TTF2: variants seen among roughly 807,000 people sequenced by gnomAD.
TTF2 encodes the protein transcription termination factor 2.
A neutral mutation model predicts 142.4 loss-of-function variants in TTF2; 108 were observed. The ratio of observed to expected loss-of-function variants is 0.76; its 90% CI spans 0.65 to 0.89. The LOEUF is 0.89. Ranked by LOEUF, TTF2 falls within the 40% of genes least tolerant of loss-of-function variation. TTF2 has a pLI of 0.00. For synonymous variants in TTF2, 483 were observed against 506.2 expected, an observed-to-expected ratio of 0.95 and a Z score of 0.61; for missense variants, 1,327 against 1,379.8, an observed-to-expected ratio of 0.96 and a Z score of 0.61.
At chr1:117,095,220 A>AT (rs920989416) in intron 18 of TTF2, 89 bp from the exon 19 acceptor site, 1 of 1,240,962 alleles carries the variant, frequency 8.1e-7, no homozygotes, top group Admixed American at 1.7e-5. Flanking sequence ...CACAGACGCC[A>AT]TGTAGGAGGC....
In TTF2 at chr1:117,076,559, C is replaced by G. The variant is rs1388019301; in HGVS notation, c.1391-82C>G. ...TCATCGGAATGGTGATGATCCCTCTCTCTTGACCTCACCTCCACACATATG... is the reference window on the plus strand; with the variant it reads ...TCATCGGAATGGTGATGATCCCTCTGTCTTGACCTCACCTCCACACATATG... On this transcript the variant is annotated intron_variant, in intron 6 of 22. Transcript: ENST00000369466. This position sits in a 1 kb window ranked among gnomAD's most constrained non-coding sequence, Gnocchi z 4.6. 8 of 1,409,948 alleles carry G rather than the reference C, an allele frequency of 5.7e-6. No homozygotes were observed. The highest frequency in any genetic ancestry group is 7.7e-6 in the Non-Finnish European group (8 of 1,034,376). 87.3% of individuals were successfully genotyped at this position (1,409,948 alleles called of 1,614,324 possible).
intron 11 of TTF2, 117 bp downstream of exon 11, chr1:117,084,285 A>G: frequency 6.1e-6 from 8 of 1,310,166 alleles, no homozygotes; most frequent in Non-Finnish European, 8.4e-6. Context: ...GTGAAAGCCA[A>G]AGACAGATCT....
rs968149878 is a variant in TTF2, at chr1:117,086,264, TGTGTGTGC to T, written c.2055-145_2055-138del. Among the ~76,000 whole-genome samples the T allele has an allele frequency of 3.3e-5, 5 of 151,834 alleles. No individual in the cohort carries two copies. Among genetic ancestry groups the T allele is most frequent in the African/African-American group, 9.7e-5 (4 of 41,280 alleles). On this transcript the variant is annotated intron_variant, in intron 11 of 22. Coordinates refer to ENST00000369466, the MANE Select transcript of TTF2 (RefSeq NM_003594.4). This position sits in a 1 kb window ranked among gnomAD's most constrained non-coding sequence, Gnocchi z 4.2. ...CCTCCAAAATGTGTGTGTGTGTGTG[TGTGTGTGC>T]GTGTGTGTGTTAAGGACACAAGTTA...
chr1:117,076,858 C>G lies in TTF2; in HGVS notation c.1573+35C>G, dbSNP rs1425267016. 6.4e-7 allele frequency: 1 copy of G among 1,570,878 alleles called. No homozygotes were observed. Among genetic ancestry groups the G allele is most frequent in the Non-Finnish European group, 8.6e-7 (1 of 1,156,436 alleles). ...AAGGGCCTGACCCTGCTGTGAATAG[C>G]CACCCCTGTGAGTTACGTGCCACCC... On this transcript the variant is annotated intron_variant, in intron 7 of 22. Coordinates refer to ENST00000369466, the MANE Select transcript of TTF2 (RefSeq NM_003594.4). The surrounding 1 kb of genome is among the most constrained non-coding windows in gnomAD (Gnocchi z 4.6).
rs1287750072 is a variant in TTF2, at chr1:117,076,745, G to A, written c.1495G>A (p.Gly499Ser). The part of the protein sequence containing the change: ...LVPPQPLPRR[G>S]TQPVGSLELK... Reference sequence around the variant, plus strand: ...GCCTCCCCAACCCCTTCCTCGTCGTGGTACCCAACCTGTGGGTTCTCTAGA... The same window carrying A: ...GCCTCCCCAACCCCTTCCTCGTCGTAGTACCCAACCTGTGGGTTCTCTAGA... The change falls in exon 7 of 23, where the codon GGT becomes AGT. Residue 499 changes from glycine to serine, a missense_variant. Coordinates refer to ENST00000369466, the MANE Select transcript of TTF2 (RefSeq NM_003594.4). This position sits in a 1 kb window ranked among gnomAD's most constrained non-coding sequence, Gnocchi z 4.6. The A allele has an allele frequency of 6.2e-7, 1 of 1,613,970 alleles. No individual in the cohort carries two copies. Among genetic ancestry groups the A allele is most frequent in the African/African-American group, 1.3e-5 (1 of 74,882 alleles).
chr1:117,081,692 G>A, intron 9 of TTF2, 136 bp from the exon 10 acceptor site: 1 of 1,050,348 alleles, frequency 9.5e-7, no homozygotes, highest in Non-Finnish European at 1.4e-6. Flanking sequence ...AGCCATTAAG[G>A]TAGGCACAGA....
Position 117,097,761 on chromosome 1 carries a change from A to G in TTF2, c.3269+328A>G, listed in dbSNP as rs1486074099. Among the ~76,000 whole-genome samples the G allele has an allele frequency of 6.6e-6, 1 of 152,204 alleles. No individual in the cohort carries two copies. Among genetic ancestry groups the G allele is most frequent in the Non-Finnish European group, 1.5e-5 (1 of 68,042 alleles). On this transcript the variant is annotated intron_variant, in intron 21 of 22. Transcript: ENST00000369466. The surrounding 1 kb of genome is among the most constrained non-coding windows in gnomAD (Gnocchi z 4.1). ...TTGCTCAGTTTTACCTCTTCTCCAG[A>G]ATACTGTATTCCAGACACACTTGTT...
chr1:117,072,420 G>T (rs1478140549), intron 3 of TTF2, among the ~76,000 whole-genome samples: 1 of 137,290 alleles, frequency 7.3e-6, no homozygotes, highest in Non-Finnish European at 1.5e-5. Context: ...AAAAGATACG[G>T]ACTTTTTTTT....
chr1:117,078,659 T>G (rs3767767), intron 8 of TTF2, among the ~76,000 whole-genome samples: 30,580 of 152,206 alleles, frequency 0.2, 3,469 homozygotes, highest in Non-Finnish European at 0.26. Flanking sequence ...AGTAGGAGCC[T>G]GGCATTGATG....
chr1:117,088,655 C>G, intron 12 of TTF2, 146 bp from the exon 13 acceptor site: 1 of 743,488 alleles, frequency 1.3e-6, no homozygotes, highest in Middle Eastern at 2.9e-4. Context: ...TCTTGGGTTT[C>G]TTAATTCTTA....
At chr1:117,082,802 A>G (rs925974639) in intron 10 of TTF2, among the ~76,000 whole-genome samples, 2 of 152,216 alleles carry the variant, frequency 1.3e-5, no homozygotes, top group Non-Finnish European at 2.9e-5. Context: ...CCAACTGGGC[A>G]AGAAAGCAAG....
rs1039926435 is a variant in TTF2, at chr1:117,087,886, T to C, written c.2161-915T>C. Among the ~76,000 whole-genome samples, 1 of 152,244 alleles carries C rather than the reference T, an allele frequency of 6.6e-6. No homozygotes were observed. Among genetic ancestry groups the C allele is most frequent in the Non-Finnish European group, 1.5e-5 (1 of 68,040 alleles). On this transcript the variant is annotated intron_variant, in intron 12 of 22. Transcript: ENST00000369466. The surrounding 1 kb of genome is among the most constrained non-coding windows in gnomAD (Gnocchi z 4.8). Reference sequence around the variant, plus strand: ...CAGCACCTTGTGCTTACATAAGTTATAGCACTTTGTTTCTTCAGCAGACGT... The same window carrying C: ...CAGCACCTTGTGCTTACATAAGTTACAGCACTTTGTTTCTTCAGCAGACGT...
At chr1:117,069,834 G>A (rs1034578713) in intron 3 of TTF2, among the ~76,000 whole-genome samples, 3 of 152,204 alleles carry the variant, frequency 2.0e-5, no homozygotes, top group African/African-American at 7.2e-5. Flanking sequence ...TTGTGTTTTG[G>A]TGAAGAAGTC....
chr1:117,096,667 C>T (rs1012336631), intron 20 of TTF2, among the ~76,000 whole-genome samples: 38 of 152,308 alleles, frequency 2.5e-4, no homozygotes, highest in Non-Finnish European at 4.7e-4. Context: ...CGTAAGCCAC[C>T]GTGCCCAGCC....
rs1276547842 is a variant in TTF2, at chr1:117,102,395, G to C, written c.*871G>C. ...TCTTCCTCTCAGGCTGAAGATCAAG[G>C]AGATGCTTTGTACATGAACAGATGC... On this transcript the variant is annotated 3_prime_UTR_variant, in exon 23 of 23. Transcript: ENST00000369466. The C allele has an allele frequency of 6.6e-6, 1 of 152,172 alleles. No homozygotes were observed. Among genetic ancestry groups the C allele is most frequent in the African/African-American group, 2.4e-5 (1 of 41,432 alleles). 9.4% of individuals were successfully genotyped at this position (152,172 alleles called of 1,614,324 possible).
Position 117,092,102 on chromosome 1 carries a change from A to G in TTF2, c.2805+152A>G. 1.4e-6 allele frequency: 1 copy of G among 707,494 alleles called. No individual in the cohort carries two copies. Among genetic ancestry groups the G allele is most frequent in the Admixed American group, 3.1e-5 (1 of 32,380 alleles). The allele number at this position is 707,494 out of a possible 1,614,324, so 43.8% of individuals were successfully genotyped here. A position where few individuals can be genotyped will look rare whatever the true frequency, so the allele number is the denominator to read the frequency against. ...TTTTTGTTTTTTGGTGGGTTGGAGA[A>G]AAGGGGGCTTATTTATTTTGCTTTA... is the stretch of plus-strand genomic sequence containing the variant. On this transcript the variant is annotated intron_variant, in intron 17 of 22. Transcript: ENST00000369466. This position sits in a 1 kb window ranked among gnomAD's most constrained non-coding sequence, Gnocchi z 4.4.
rs945299984 is a variant in TTF2, at chr1:117,102,678, ATCAT to A, written c.*1156_*1159del. ...ATTTGCAGTATTTGTAGCATTTAGT[ATCAT>A]TGTTTCATTTAGTATTTGGTACAAT... On this transcript the variant is annotated 3_prime_UTR_variant, in exon 23 of 23. Coordinates refer to ENST00000369466, the MANE Select transcript of TTF2 (RefSeq NM_003594.4). The A allele has an allele frequency of 6.6e-6, 1 of 152,198 alleles. No individual in the cohort carries two copies. The highest frequency in any genetic ancestry group is 2.4e-5 in the African/African-American group (1 of 41,450). The allele number at this position is 152,198 out of a possible 1,614,324, so 9.4% of individuals were successfully genotyped here.
At position 117,060,506 on chromosome 1, in the gene TTF2, A is replaced by G. The variant is rs1260685930; in HGVS notation, c.80A>G (p.Lys27Arg). ...GTCCGCGATGGCCCGAATAAAGGAA[A>G]GAGCTTCTACGTGTGCCGGGCAGAC... ...TGVRDGPNKG[K>R]SFYVCRADTC... Residue 27 changes from lysine (K) to arginine (R), a missense_variant, in exon 2 of 23, where the codon AAG (lysine) becomes AGG (arginine). Lys to Arg is a conservative substitution (Grantham distance 26). Transcript: ENST00000369466. The G allele has an allele frequency of 6.2e-7, 1 of 1,613,978 alleles. No homozygotes were observed. Among genetic ancestry groups the G allele is most frequent in the African/African-American group, 1.3e-5 (1 of 74,934 alleles).
intron 22 of TTF2, 61 bp downstream of exon 22, chr1:117,098,968 T>C: frequency 6.9e-7 from 1 of 1,451,476 alleles, no homozygotes; most frequent in South Asian, 1.3e-5. Context: ...AAAGTCTTTC[T>C]TTCTTAGGTA....
Sources: gnomAD v4.1 joint callset for allele counts (sites outside exome capture counted in the v4.1 genomes callset) on GRCh38, gnomAD v4.1.1 for gene constraint, Gnocchi (gnomAD v3.1) non-coding constraint, MANE v1.5 for transcripts, NCBI Gene and HGNC (gene_info 2026-07-23, HGNC 2026-07-21) for gene names.